PTPN4: variants seen among roughly 807,000 people sequenced by gnomAD.
PTPN4 encodes protein tyrosine phosphatase non-receptor type 4.
Under a neutral mutation model 135.5 loss-of-function variants are expected in PTPN4, and 49 were observed. The observed-to-expected ratio is 0.36, with a 90% confidence interval of 0.29 to 0.46. PTPN4 has a LOEUF of 0.46. PTPN4 is among the 20% of genes least tolerant of loss of function. The pLI, the probability that PTPN4 is intolerant of heterozygous loss-of-function variation, is 1.00. For synonymous variants in PTPN4, 333 were observed against 369.9 expected (o/e 0.90, Z 1.14); for missense variants, 860 against 1,101.0 (o/e 0.78, Z 3.10).
intron 2 of PTPN4, among the ~76,000 whole-genome samples, chr2:119,859,104 T>G (rs1454498061): frequency 1.3e-5 from 2 of 152,234 alleles, no homozygotes; most frequent in Non-Finnish European, 2.9e-5. Flanking sequence ...ATATCTTCTA[T>G]TACTTTGCTG....
intron 10 of PTPN4, among the ~76,000 whole-genome samples, chr2:119,912,638 A>G (rs1001720407): frequency 9.9e-5 from 15 of 152,202 alleles, no homozygotes; most frequent in Non-Finnish European, 2.9e-5. Flanking sequence ...AGATAAATCC[A>G]AGTATGTTAA....
chr2:119,846,207 CGTTA>C (rs1677496908), intron 2 of PTPN4, among the ~76,000 whole-genome samples: 1 of 152,090 alleles, frequency 6.6e-6, no homozygotes, highest in Non-Finnish European at 1.5e-5. Flanking sequence ...AGTCAGGTCT[CGTTA>C]GTTTATGGCA....
chr2:119,773,911 GAA>G (rs1178722651), intron 1 of PTPN4, among the ~76,000 whole-genome samples: 6 of 152,076 alleles, frequency 3.9e-5, no homozygotes, highest in African/African-American at 1.4e-4. Context: ...GCAGTTGAGA[GAA>G]ATGTGAAAAA....
chr2:119,794,172 G>T (rs565877149), intron 1 of PTPN4, among the ~76,000 whole-genome samples: 5 of 152,056 alleles, frequency 3.3e-5, no homozygotes, highest in Admixed American at 2.6e-4. Flanking sequence ...CAGCTTTGTT[G>T]AGGTAAAGTA....
At chr2:119,940,014 C>A (rs1051531040) in intron 15 of PTPN4, among the ~76,000 whole-genome samples, 3 of 152,190 alleles carry the variant, frequency 2.0e-5, no homozygotes, top group Admixed American at 2.0e-4. Flanking sequence ...GTATGCTTAC[C>A]TACCATTCAT....
intron 5 of PTPN4, 96 bp from the exon 6 acceptor site, chr2:119,881,690 A>T: frequency 1.3e-6 from 1 of 799,960 alleles, no homozygotes; most frequent in Non-Finnish European, 1.9e-6. Context: ...CAAATATTTA[A>T]ATATGTTTAT....
At chr2:119,840,170 T>C (rs866362721) in intron 2 of PTPN4, among the ~76,000 whole-genome samples, 2 of 152,230 alleles carry the variant, frequency 1.3e-5, no homozygotes, top group Admixed American at 6.5e-5. Flanking sequence ...CACAGGTAAA[T>C]ATGTGCCATG....
At chr2:119,956,142 T>G (rs1176297567) in intron 20 of PTPN4, among the ~76,000 whole-genome samples, 1 of 151,962 alleles carries the variant, frequency 6.6e-6, no homozygotes, top group East Asian at 1.9e-4. Flanking sequence ...TCTTCAGTGC[T>G]TATAATGTGC....
At chr2:119,898,611 A>C (rs975476300) in intron 9 of PTPN4, among the ~76,000 whole-genome samples, 7 of 152,308 alleles carry the variant, frequency 4.6e-5, no homozygotes, top group Non-Finnish European at 1.0e-4. Flanking sequence ...GGTTCTAGTG[A>C]ATAATTTATT....
At chr2:119,901,610 A>G (rs749418727) in intron 10 of PTPN4, among the ~76,000 whole-genome samples, 8 of 152,244 alleles carry the variant, frequency 5.3e-5, no homozygotes, top group African/African-American at 7.2e-5. Context: ...GGCAGTAAAC[A>G]CAATTTGAAG....
At chr2:119,867,199 T>A (rs991949325) in intron 3 of PTPN4, among the ~76,000 whole-genome samples, 23 of 152,194 alleles carry the variant, frequency 1.5e-4, no homozygotes, top group African/African-American at 5.5e-4. Flanking sequence ...CAAACTTACC[T>A]ATGAATTTAT....
chr2:119,915,124 G>C, intron 10 of PTPN4, 55 bp from the exon 11 acceptor site: 4 of 1,359,250 alleles, frequency 2.9e-6, no homozygotes, highest in Non-Finnish European at 4.0e-6. Flanking sequence ...TTCATAATTT[G>C]TTAATATTTT....
chr2:119,792,989 G>A (rs1393662854), intron 1 of PTPN4, among the ~76,000 whole-genome samples: 1 of 152,202 alleles, frequency 6.6e-6, no homozygotes, highest in African/African-American at 2.4e-5. Flanking sequence ...GGTGAAACTG[G>A]GATTGCTGAT....
Position 119,978,747 on chromosome 2 carries a change from G to A in PTPN4, c.*1677G>A, listed in dbSNP as rs1309045786. On this transcript the variant is annotated 3_prime_UTR_variant, in exon 27 of 27. Coordinates refer to ENST00000263708, the MANE Select transcript of PTPN4 (RefSeq NM_002830.4). ...TTTCTGAATATTTCTGTAAGATCTT[G>A]ATAAAGTTTAGAGTCAAATGGCAGA... The A allele has an allele frequency of 2.0e-5, 3 of 152,078 alleles. No individual in the cohort carries two copies. The highest frequency in any genetic ancestry group is 2.0e-4 in the Admixed American group (3 of 15,282). 9.4% of individuals were successfully genotyped at this position (152,078 alleles called of 1,614,324 possible).
At chr2:119,823,533 C>T (rs1677102276) in intron 2 of PTPN4, among the ~76,000 whole-genome samples, 1 of 152,096 alleles carries the variant, frequency 6.6e-6, no homozygotes, top group Non-Finnish European at 1.5e-5. Flanking sequence ...GTGCCCAGCC[C>T]ATCTGTTTCT....
At chr2:119,794,261 G>T (rs1322672023) in intron 1 of PTPN4, among the ~76,000 whole-genome samples, 3 of 152,314 alleles carry the variant, frequency 2.0e-5, no homozygotes, top group Admixed American at 6.5e-5. Flanking sequence ...TGCTTAGCCA[G>T]CTGGAAACCT....
At chr2:119,935,390 A>G (rs1465994152) in intron 15 of PTPN4, among the ~76,000 whole-genome samples, 1 of 152,210 alleles carries the variant, frequency 6.6e-6, no homozygotes, top group Non-Finnish European at 1.5e-5. Flanking sequence ...AGGTAAGAAG[A>G]TTTATTTCTT....
chr2:119,783,047 G>A (rs904040530), intron 1 of PTPN4, among the ~76,000 whole-genome samples: 5 of 150,118 alleles, frequency 3.3e-5, no homozygotes, highest in African/African-American at 4.9e-5. Context: ...TAGTAACATC[G>A]AAATATTTGT....
At chr2:119,784,636 C>A (rs577328757) in intron 1 of PTPN4, among the ~76,000 whole-genome samples, 1 of 151,716 alleles carries the variant, frequency 6.6e-6, no homozygotes, top group African/African-American at 2.4e-5. Flanking sequence ...ATCTGCCCGC[C>A]TTGGCCTCCC....
Sources: gnomAD v4.1 joint callset for allele counts (sites outside exome capture counted in the v4.1 genomes callset) on GRCh38, gnomAD v4.1.1 for gene constraint, MANE v1.5 for transcripts, NCBI Gene and HGNC (gene_info 2026-07-23, HGNC 2026-07-21) for gene names.